SYT3: variants seen among roughly 807,000 people sequenced by gnomAD.
SYT3 encodes synaptotagmin 3.
A neutral mutation model predicts 50.6 loss-of-function variants in SYT3; 25 were observed. That is an observed-to-expected ratio of 0.49 (90% CI 0.36 to 0.69). SYT3 has a LOEUF of 0.69. Among genes scored for constraint, SYT3 ranks in the 30% least tolerant of loss-of-function variants. The probability of loss-of-function intolerance (pLI) is 0.00; values close to 1 mark genes in which losing one functional copy is unlikely to be tolerated. For missense variants in SYT3, 589 were observed against 793.6 expected (o/e 0.74, Z 3.10); for synonymous variants, 323 against 353.9 (o/e 0.91, Z 0.98).
chr19:50,643,184 A>G (rs1984706668), upstream of SYT3, among the ~76,000 whole-genome samples: 1 of 152,010 alleles, frequency 6.6e-6, no homozygotes, highest in African/African-American at 2.4e-5. Flanking sequence ...TTGCCTGGAC[A>G]ACATAGTGAG....
At position 50,632,486 on chromosome 19, in the gene SYT3, C is replaced by G. The variant is rs760153559; in HGVS notation, c.474G>C (p.Glu158Asp). ...PGSLGGSDTP[E>D]PSYLDMDSYP... ...ACGAGTCCATGTCCAAGTAGGAGGG[C>G]TCAGGGGTGTCAGAACCCCCCAGGC... The change falls in exon 4 of 11, where the codon GAG becomes GAC. Residue 158 changes from glutamate (E) to aspartate (D), a missense_variant. Transcript: ENST00000600079. This position sits in a 1 kb window ranked among gnomAD's most constrained non-coding sequence, Gnocchi z 4.7. 1.9e-6 allele frequency: 3 copies of G among 1,612,946 alleles called. No individual in the cohort carries two copies. The South Asian group carries it at 3.3e-5, about 18-fold the overall frequency.
At chr19:50,653,770 G>T in the SYT3 span, among the ~76,000 whole-genome samples, 7 of 149,812 alleles carry the variant, frequency 4.7e-5, no homozygotes, top group African/African-American at 1.7e-4. Flanking sequence ...TGTTAGCAAG[G>T]ACTTATTGTT....
chr19:50,637,919 A>T lies in SYT3; in HGVS notation c.-15-493T>A, dbSNP rs1471030968. On this transcript the variant is annotated intron_variant, in intron 2 of 10. Transcript: ENST00000600079. This position sits in a 1 kb window ranked among gnomAD's most constrained non-coding sequence, Gnocchi z 4.9. ...CAGCCATTCATCATTCATTCATTCA[A>T]CAAACATCCATCCAGCACCAACTAC... 1.9e-5 allele frequency: 3 copies of T among 154,356 alleles called. No homozygotes were observed. Among genetic ancestry groups the T allele is most frequent in the African/African-American group, 7.2e-5 (3 of 41,488 alleles). 9.6% of individuals were successfully genotyped at this position (154,356 alleles called of 1,614,324 possible).
rs893566090 is a variant in SYT3, at chr19:50,626,871, T to C, written c.1282-854A>G. 2.7e-5 allele frequency among the ~76,000 whole-genome samples: 4 copies of C among 150,530 alleles called. No homozygotes were observed. In the East Asian group the frequency reaches 7.9e-4, roughly 30 times the overall value. Reference sequence around the variant, plus strand: ...AGACCCAGAGAGAGTGATAGTTACCTAGAATTAGAGTGGAGGGGCAGAGAC... The same window carrying C: ...AGACCCAGAGAGAGTGATAGTTACCCAGAATTAGAGTGGAGGGGCAGAGAC... On this transcript the variant is annotated intron_variant, in intron 6 of 10. Transcript: ENST00000600079.
intron 6 of SYT3, among the ~76,000 whole-genome samples, chr19:50,626,855 G>C (rs1382911319): frequency 6.6e-6 from 1 of 151,936 alleles, no homozygotes. Flanking sequence ...AAGACCCAGA[G>C]AGAGTGATAG....
At chr19:50,658,055 G>A in the SYT3 span, 4 of 1,535,930 alleles carry the variant, frequency 2.6e-6, no homozygotes, top group Non-Finnish European at 3.5e-6. Flanking sequence ...AGGGGCCATG[G>A]AGAGCGGGCG....
upstream of SYT3, among the ~76,000 whole-genome samples, chr19:50,640,753 A>G (rs1411057225): frequency 1.3e-5 from 2 of 152,212 alleles, no homozygotes; most frequent in African/African-American, 4.8e-5. Flanking sequence ...AAATCTCATA[A>G]TGTTTTAAGA....
intron 9 of SYT3, among the ~76,000 whole-genome samples, chr19:50,624,613 C>T (rs756535945): frequency 1.7e-4 from 25 of 147,842 alleles, no homozygotes; most frequent in Non-Finnish European, 2.8e-4. Context: ...AGTGCAATGG[C>T]GCCACCTCAG....
At chr19:50,646,997 A>AT in the SYT3 span, among the ~76,000 whole-genome samples, 1 of 151,716 alleles carries the variant, frequency 6.6e-6, no homozygotes, top group Non-Finnish European at 1.5e-5. Flanking sequence ...CACCCGGCTA[A>AT]TTTTTTGTAT....
upstream of SYT3, among the ~76,000 whole-genome samples, chr19:50,640,173 T>C (rs953968755): frequency 6.6e-6 from 1 of 152,070 alleles, no homozygotes; most frequent in Non-Finnish European, 1.5e-5. Context: ...CCCTCCAACC[T>C]GAGCCGCTCT....
In SYT3 at chr19:50,632,432, G is replaced by C; in HGVS notation, c.528C>G (p.Ala176=). 1 of 1,613,450 alleles carries C rather than the reference G, an allele frequency of 6.2e-7. No individual in the cohort carries two copies. The change falls in exon 4 of 11, where the codon GCC becomes GCG. Residue 176 remains alanine, a synonymous_variant. Transcript: ENST00000600079. This position sits in a 1 kb window ranked among gnomAD's most constrained non-coding sequence, Gnocchi z 4.7. ...ATGTTTGGCTCGGTTTGACCCCAGC[G>C]GCCACTGCTGCTGCTGCAGCCTCTG... The part of the protein sequence containing the change: ...SYPEAAAAAV[A]AGVKPSQTSP...
Position 50,632,272 on chromosome 19 carries a change from G to A in SYT3, c.674+14C>T, listed in dbSNP as rs375346262. ...AAGTTCAGAGTGGACCCCCAACCCA[G>A]TATCCTCTCTCACCTGGTAGTGGGT... On this transcript the variant is annotated intron_variant, in intron 4 of 10. Coordinates refer to ENST00000600079, the MANE Select transcript of SYT3 (RefSeq NM_001160329.2). This position sits in a 1 kb window ranked among gnomAD's most constrained non-coding sequence, Gnocchi z 4.7. 109 of 1,547,020 alleles carry A rather than the reference G, an allele frequency of 7.0e-5. No homozygotes were observed. Among genetic ancestry groups the A allele is most frequent in the Non-Finnish European group, 9.0e-5 (103 of 1,141,694 alleles).
chr19:50,625,834 C>G lies in SYT3; in HGVS notation c.1402+63G>C. 7.2e-7 allele frequency: 1 copy of G among 1,382,568 alleles called. No individual in the cohort carries two copies. Among genetic ancestry groups the G allele is most frequent in the African/African-American group, 1.5e-5 (1 of 68,232 alleles). The allele number at this position is 1,382,568 out of a possible 1,614,324, so 85.6% of individuals were successfully genotyped here. A position where few individuals can be genotyped will look rare whatever the true frequency, so the allele number is the denominator to read the frequency against. On this transcript the variant is annotated intron_variant, in intron 7 of 10. Coordinates refer to ENST00000600079, the MANE Select transcript of SYT3 (RefSeq NM_001160329.2). This position sits in a 1 kb window ranked among gnomAD's most constrained non-coding sequence, Gnocchi z 7.5. ...ACCCAGGAGTCCAGGCCCCTGGCCC[C>G]TCCTCCCTCAGACCCAGGAGTCCAG...
At chr19:50,627,123 G>A (rs755294032) in intron 6 of SYT3, among the ~76,000 whole-genome samples, 2 of 152,226 alleles carry the variant, frequency 1.3e-5, no homozygotes, top group Non-Finnish European at 2.9e-5. Flanking sequence ...AGCTAGCTGG[G>A]AGCTTTGACC....
the SYT3 span, chr19:50,649,754 C>A: frequency 1.3e-5 from 8 of 628,276 alleles, no homozygotes; most frequent in African/African-American, 1.1e-4. Flanking sequence ...TTCCCATGAG[C>A]CTCTGGGGCC....
chr19:50,643,606 G>C (rs893964263), upstream of SYT3, among the ~76,000 whole-genome samples: 5 of 152,008 alleles, frequency 3.3e-5, no homozygotes, highest in Admixed American at 3.3e-4. Flanking sequence ...AAGAACACCG[G>C]ACAGGGAGCC....
chr19:50,632,615 G>A lies in SYT3; in HGVS notation c.345C>T (p.His115=). 6.3e-7 allele frequency: 1 copy of A among 1,579,172 alleles called. No homozygotes were observed. Among genetic ancestry groups the A allele is most frequent in the Non-Finnish European group, 8.6e-7 (1 of 1,162,766 alleles). Residue 115 remains histidine (H), a synonymous_variant, in exon 4 of 11, where the codon CAC becomes CAT. Coordinates refer to ENST00000600079, the MANE Select transcript of SYT3 (RefSeq NM_001160329.2). This position sits in a 1 kb window ranked among gnomAD's most constrained non-coding sequence, Gnocchi z 4.7. ...GGCCACCCAGGCCAGCCGCCAGGTG[G>A]TGCCCGCCTCCGCCTACCAGGCCTG... ...GLAGLVGGGG[H]HLAAGLGGHP... is the part of the protein sequence containing the mutation.
At chr19:50,646,799 G>A in the SYT3 span, among the ~76,000 whole-genome samples, 1 of 151,434 alleles carries the variant, frequency 6.6e-6, no homozygotes, top group Non-Finnish European at 1.5e-5. Context: ...AAGGTGGGAT[G>A]TGTGGGAGGG....
At chr19:50,628,310 G>GA (rs765456096) in intron 6 of SYT3, among the ~76,000 whole-genome samples, 3 of 151,640 alleles carry the variant, frequency 2.0e-5, no homozygotes, top group African/African-American at 4.9e-5. Flanking sequence ...AAGTACCTAA[G>GA]AATGGGGCTG....
Sources: gnomAD v4.1 joint callset for allele counts (sites outside exome capture counted in the v4.1 genomes callset) on GRCh38, gnomAD v4.1.1 for gene constraint, Gnocchi (gnomAD v3.1) non-coding constraint, MANE v1.5 for transcripts, NCBI Gene and HGNC (gene_info 2026-07-23, HGNC 2026-07-21) for gene names.